The following SENP6 variants were observed in gnomAD, a reference collection of about 807,000 sequenced individuals.
SENP6 encodes sentrin-specific protease 6.
A neutral mutation model predicts 134.5 loss-of-function variants in SENP6; 41 were observed. The observed-to-expected ratio is 0.30, with a 90% CI of 0.24 to 0.40. The LOEUF (loss-of-function observed/expected upper bound fraction) is 0.40. SENP6 is among the 10% of genes least tolerant of loss of function. The probability of loss-of-function intolerance (pLI) is 1.00; values close to 1 mark genes in which losing one functional copy is unlikely to be tolerated. For synonymous variants in SENP6, 395 were observed against 429.8 expected (o/e 0.92, Z 1.00); for missense variants, 1,248 against 1,312.5 (o/e 0.95, Z 0.76).
At chr6:75,603,049 G>T (rs1387385708) in intron 1 of SENP6, among the ~76,000 whole-genome samples, 1 of 152,184 alleles carries the variant, frequency 6.6e-6, no homozygotes, top group Non-Finnish European at 1.5e-5. Context: ...AGAGTTTCAG[G>T]CTTGCTTTTG....
intron 19 of SENP6, among the ~76,000 whole-genome samples, chr6:75,705,501 G>C (rs924577013): frequency 6.6e-6 from 1 of 152,020 alleles, no homozygotes; most frequent in Non-Finnish European, 1.5e-5. Flanking sequence ...CTGGGATCGC[G>C]CAACTGCACT....
chr6:75,636,948 A>T (rs1242281119), intron 5 of SENP6, among the ~76,000 whole-genome samples: 2 of 150,670 alleles, frequency 1.3e-5, no homozygotes, highest in African/African-American at 4.9e-5. Flanking sequence ...TGTCTCAGTC[A>T]TAGCTCACTG....
At chr6:75,705,948 T>TTTTTTTTTTTTTTTTTTTTC (rs1775378517) in intron 19 of SENP6, among the ~76,000 whole-genome samples, 1 of 109,892 alleles carries the variant, frequency 9.1e-6, no homozygotes, top group Non-Finnish European at 1.8e-5. Flanking sequence ...TTTTTTTTTT[T>TTTTTTTTTTTTTTTTTTTTC]TTTTTTGAGA....
intron 18 of SENP6, among the ~76,000 whole-genome samples, chr6:75,699,065 G>T (rs1774846939): frequency 6.6e-6 from 1 of 151,832 alleles, no homozygotes; most frequent in Non-Finnish European, 1.5e-5. Context: ...TTCTTGACTG[G>T]GTACTAATTT....
chr6:75,627,142 A>G (rs1768760094), intron 3 of SENP6, among the ~76,000 whole-genome samples: 2 of 152,020 alleles, frequency 1.3e-5, no homozygotes, highest in Non-Finnish European at 2.9e-5. Context: ...TTTGTATTTT[A>G]GTAGAGCTGG....
intron 16 of SENP6, among the ~76,000 whole-genome samples, chr6:75,693,408 T>TAAA (rs1209252989): frequency 8.9e-6 from 1 of 112,800 alleles, no homozygotes; most frequent in African/African-American, 4.0e-5. Context: ...AGTCTGAAAT[T>TAAA]TAAAAAAAAA....
intron 12 of SENP6, 92 bp from the exon 13 acceptor site, chr6:75,675,768 A>G (rs752307223): frequency 1.7e-6 from 2 of 1,143,612 alleles, no homozygotes; most frequent in Admixed American, 4.7e-5. Context: ...ATGTGCTTAC[A>G]TTTACTTAAA....
At chr6:75,663,915 A>G (rs1054635247) in intron 9 of SENP6, among the ~76,000 whole-genome samples, 1 of 151,460 alleles carries the variant, frequency 6.6e-6, no homozygotes, top group East Asian at 1.9e-4. Context: ...CTAACTCTAT[A>G]TCCTGTCTTT....
chr6:75,608,945 C>G (rs930880704), intron 1 of SENP6, among the ~76,000 whole-genome samples: 1 of 152,090 alleles, frequency 6.6e-6, no homozygotes, highest in African/African-American at 2.4e-5. Flanking sequence ...CACTGACTAC[C>G]TTTTTCTAGA....
intron 5 of SENP6, among the ~76,000 whole-genome samples, chr6:75,638,622 ATTTTTT>A (rs57353168): frequency 6.4e-4 from 19 of 29,868 alleles, no homozygotes; most frequent in Middle Eastern, 0.045. Context: ...ATATATATAT[ATTTTTT>A]TTTTTTTTTT....
intron 5 of SENP6, 158 bp downstream of exon 5, chr6:75,634,969 A>G (rs1769395569): frequency 1.5e-6 from 1 of 685,514 alleles, no homozygotes; most frequent in Non-Finnish European, 2.7e-6. Context: ...AAATTATACT[A>G]TTTTATATCT....
At chr6:75,639,258 A>C (rs1002058865) in intron 5 of SENP6, among the ~76,000 whole-genome samples, 6 of 152,152 alleles carry the variant, frequency 3.9e-5, no homozygotes, top group Non-Finnish European at 8.8e-5. Flanking sequence ...TCGCTTCTTT[A>C]ATAGGGATGT....
chr6:75,671,798 A>G (rs1238009627), intron 11 of SENP6, among the ~76,000 whole-genome samples: 1 of 152,230 alleles, frequency 6.6e-6, no homozygotes, highest in Non-Finnish European at 1.5e-5. Context: ...GTAATGAATA[A>G]TAACTGTTTC....
chr6:75,687,567 C>T (rs550908505), intron 16 of SENP6, among the ~76,000 whole-genome samples: 136 of 152,194 alleles, frequency 8.9e-4, no homozygotes, highest in African/African-American at 3.1e-3. Flanking sequence ...TGTTGGTGAC[C>T]GACAGATGGG....
intron 9 of SENP6, among the ~76,000 whole-genome samples, chr6:75,664,740 A>C (rs1311398229): frequency 6.6e-6 from 1 of 152,212 alleles, no homozygotes; most frequent in Non-Finnish European, 1.5e-5. Context: ...GGACATGTAC[A>C]TTACTCAGTA....
In SENP6 at chr6:75,658,974, CAAA is replaced by C. The variant is rs35016433; in HGVS notation, c.551-264_551-262del. On this transcript the variant is annotated intron_variant, in intron 7 of 23. Coordinates refer to ENST00000447266, the MANE Select transcript of SENP6 (RefSeq NM_015571.4). Reference sequence around the variant, plus strand: ...GTGACAGAATGAGACCTTGTCTCCCCAAAAAAAAAAAAAAAAAAAAAAAAAAGG... The same window carrying C: ...GTGACAGAATGAGACCTTGTCTCCCCAAAAAAAAAAAAAAAAAAAAAAAGG... Among the ~76,000 whole-genome samples, 128 of 71,966 alleles carry C rather than the reference CAAA, an allele frequency of 1.8e-3. 1 individual carries two copies. The highest frequency in any genetic ancestry group is 3.7e-3 in the East Asian group (7 of 1,916). The allele number at this position is 71,966 out of a possible 152,430, so 47.2% of individuals were successfully genotyped here.
chr6:75,629,129 T>A (rs924424994), intron 3 of SENP6, among the ~76,000 whole-genome samples: 1 of 152,176 alleles, frequency 6.6e-6, no homozygotes, highest in Non-Finnish European at 1.5e-5. Context: ...GCCTTCCAGA[T>A]TTTGGATAAA....
chr6:75,692,791 CA>C (rs796153446), intron 16 of SENP6, among the ~76,000 whole-genome samples: 2,516 of 142,712 alleles, frequency 0.018, 62 homozygotes, highest in African/African-American at 0.057. Context: ...CTTCCCCCGC[CA>C]AAAAAAAAAA....
chr6:75,650,592 G>T (rs1331289820), intron 7 of SENP6, among the ~76,000 whole-genome samples: 3 of 152,088 alleles, frequency 2.0e-5, no homozygotes, highest in Non-Finnish European at 4.4e-5. Flanking sequence ...TATAGCTGTG[G>T]ACTCATTATT....
Sources: allele counts gnomAD v4.1 joint callset (sites outside exome capture counted in the v4.1 genomes callset), GRCh38; gene constraint gnomAD v4.1.1; transcripts MANE v1.5; gene names NCBI Gene and HGNC (gene_info 2026-07-23, HGNC 2026-07-21).